RNGTT: variants seen among roughly 807,000 people sequenced by gnomAD.
RNGTT encodes the protein mRNA-capping enzyme.
RNGTT carries 33 observed loss-of-function variants against 79.3 expected under a neutral mutation model. The observed-to-expected ratio is 0.42, with a 90% CI of 0.32 to 0.56. RNGTT has a LOEUF of 0.56. Ranked by LOEUF, RNGTT falls within the 20% of genes least tolerant of loss-of-function variation. The pLI, the probability that RNGTT is intolerant of heterozygous loss-of-function variation, is 0.17. For synonymous variants in RNGTT, 222 were observed against 235.9 expected (o/e 0.94, Z 0.54); for missense variants, 497 against 739.1 (o/e 0.67, Z 3.80).
At chr6:88,799,428 G>T (rs1426587346) in intron 12 of RNGTT, among the ~76,000 whole-genome samples, 1 of 152,106 alleles carries the variant, frequency 6.6e-6, no homozygotes, top group East Asian at 1.9e-4. Flanking sequence ...GCCCGGCGCG[G>T]TGGCTCACAC....
At chr6:88,853,584 A>C in intron 9 of RNGTT, 45 bp downstream of exon 9, 1 of 1,326,166 alleles carries the variant, frequency 7.5e-7, no homozygotes, top group Non-Finnish European at 1.0e-6. Context: ...AAGGAAAAGA[A>C]AAATGGCAAT....
intron 14 of RNGTT, among the ~76,000 whole-genome samples, chr6:88,668,609 T>C (rs1237478581): frequency 1.3e-5 from 2 of 152,230 alleles, no homozygotes; most frequent in Non-Finnish European, 2.9e-5. Context: ...GCTTATATAA[T>C]GCCACTCAGT....
chr6:88,949,159 G>GAAAAAAAAAAAAAAAAAAAAAAAAAATA, intron 1 of RNGTT, among the ~76,000 whole-genome samples: 1 of 50,512 alleles, frequency 2.0e-5, no homozygotes, highest in Non-Finnish European at 3.9e-5. Context: ...AAAATAAAAT[G>GAAAAAAAAAAAAAAAAAAAAAAAAAATA]AAAAAAAAAA....
At chr6:88,764,689 T>C (rs1225287853) in intron 13 of RNGTT, among the ~76,000 whole-genome samples, 1 of 152,186 alleles carries the variant, frequency 6.6e-6, no homozygotes, top group Non-Finnish European at 1.5e-5. Context: ...GTCACCATGC[T>C]ATGTACTAAG....
At chr6:88,919,427 C>T (rs1288580738) in intron 4 of RNGTT, among the ~76,000 whole-genome samples, 1 of 152,100 alleles carries the variant, frequency 6.6e-6, no homozygotes, top group East Asian at 1.9e-4. Flanking sequence ...CATGTTGGGG[C>T]AGTTTATAAA....
chr6:88,780,629 T>C (rs1236318346), intron 12 of RNGTT, among the ~76,000 whole-genome samples: 2 of 143,536 alleles, frequency 1.4e-5, no homozygotes, highest in African/African-American at 5.6e-5. Flanking sequence ...TGAGGTGAGC[T>C]GTCAAAAAAA....
intron 2 of RNGTT, among the ~76,000 whole-genome samples, chr6:88,933,905 G>A (rs1385513066): frequency 1.3e-5 from 2 of 152,160 alleles, no homozygotes; most frequent in East Asian, 3.8e-4. Flanking sequence ...TTAGTTTTCT[G>A]AGAAATTTCC....
chr6:88,769,487 C>T (rs1778576464), intron 13 of RNGTT, among the ~76,000 whole-genome samples: 1 of 151,732 alleles, frequency 6.6e-6, no homozygotes, highest in African/African-American at 2.4e-5. Context: ...ATTATTATTA[C>T]CTTTTATATT....
chr6:88,656,749 C>T (rs1773992810), intron 14 of RNGTT, among the ~76,000 whole-genome samples: 2 of 150,912 alleles, frequency 1.3e-5, no homozygotes, highest in South Asian at 4.2e-4. Context: ...AAAGAACCTT[C>T]CCCATGACTT....
At chr6:88,626,701 C>T (rs1772646767) in intron 14 of RNGTT, among the ~76,000 whole-genome samples, 1 of 151,998 alleles carries the variant, frequency 6.6e-6, no homozygotes, top group South Asian at 2.1e-4. Flanking sequence ...TAAGAATTTA[C>T]AATAGGTTAA....
chr6:88,675,624 T>C (rs568703034), intron 14 of RNGTT, among the ~76,000 whole-genome samples: 1 of 151,698 alleles, frequency 6.6e-6, no homozygotes, highest in East Asian at 1.9e-4. Flanking sequence ...TTTATGTAGA[T>C]AATCCTATGA....
intron 13 of RNGTT, among the ~76,000 whole-genome samples, chr6:88,743,293 T>C (rs937668755): frequency 6.6e-6 from 1 of 152,094 alleles, no homozygotes; most frequent in Non-Finnish European, 1.5e-5. Context: ...GTTTACTTGT[T>C]TTTTTCTCCA....
At chr6:88,825,619 A>C (rs1173245414) in intron 11 of RNGTT, among the ~76,000 whole-genome samples, 1 of 152,196 alleles carries the variant, frequency 6.6e-6, no homozygotes, top group Non-Finnish European at 1.5e-5. Context: ...ATTTGAATAC[A>C]TGTAAACCTT....
chr6:88,728,374 G>T (rs568019691), intron 13 of RNGTT, among the ~76,000 whole-genome samples: 2 of 152,144 alleles, frequency 1.3e-5, no homozygotes, highest in Non-Finnish European at 2.9e-5. Context: ...CATTTAATCC[G>T]GGGAGATTTT....
chr6:88,693,920 A>C (rs771946802), intron 13 of RNGTT, among the ~76,000 whole-genome samples: 26 of 152,156 alleles, frequency 1.7e-4, no homozygotes, highest in Non-Finnish European at 3.7e-4. Flanking sequence ...GATAGAAAAA[A>C]TTCTCAAATA....
intron 14 of RNGTT, among the ~76,000 whole-genome samples, chr6:88,623,720 T>C (rs1166873087): frequency 1.3e-5 from 2 of 152,012 alleles, no homozygotes; most frequent in Non-Finnish European, 2.9e-5. Context: ...TCCAATCAAG[T>C]CATTCTCTTG....
chr6:88,941,686 C>T (rs551201679), intron 1 of RNGTT, among the ~76,000 whole-genome samples: 103 of 145,710 alleles, frequency 7.1e-4, no homozygotes, highest in Admixed American at 1.4e-3. Context: ...TTTTTTGAGA[C>T]GGAGTCTCGC....
At chr6:88,852,669 C>T (rs1311315414) in intron 9 of RNGTT, among the ~76,000 whole-genome samples, 1 of 151,994 alleles carries the variant, frequency 6.6e-6, no homozygotes, top group Admixed American at 6.6e-5. Flanking sequence ...ATCAAAATGT[C>T]CAACAAAAGG....
chr6:88,937,061 G>T (rs945690948), intron 2 of RNGTT, among the ~76,000 whole-genome samples: 1 of 152,076 alleles, frequency 6.6e-6, no homozygotes, highest in African/African-American at 2.4e-5. Flanking sequence ...GTCTTTGATG[G>T]GCCAGGCACG....
Sources: gnomAD v4.1 joint callset for allele counts (sites outside exome capture counted in the v4.1 genomes callset) on GRCh38, gnomAD v4.1.1 for gene constraint, MANE v1.5 for transcripts, NCBI Gene and HGNC (gene_info 2026-07-23, HGNC 2026-07-21) for gene names.